PIGK: variants seen among roughly 807,000 people sequenced by gnomAD.
The protein encoded by PIGK is phosphatidylinositol glycan anchor biosynthesis class K, also known as GPI-anchor transamidase.
In PIGK, 42 loss-of-function variants were observed where a neutral mutation model predicts 50.6. That is an observed-to-expected ratio of 0.83 (90% CI 0.65 to 1.07). The LOEUF is 1.07. PIGK is among the 50% of genes least tolerant of loss of function. The pLI is 0.00. For missense variants in PIGK, 448 were observed against 488.7 expected (o/e 0.92, Z 0.78); for synonymous variants, 151 against 156.0 (o/e 0.97, Z 0.24).
intron 9 of PIGK, chr1:77,129,364 C>G (rs1654309913): frequency 6.4e-7 from 1 of 1,573,402 alleles, no homozygotes. Flanking sequence ...GGTCGGTGGC[C>G]CAAAAAGAGT....
At chr1:77,116,253 G>A (rs1287726321) in intron 10 of PIGK, among the ~76,000 whole-genome samples, 3 of 151,626 alleles carry the variant, frequency 2.0e-5, no homozygotes, top group African/African-American at 4.8e-5. Flanking sequence ...GCACGATCTC[G>A]GCTCACTGAA....
chr1:77,154,972 C>T (rs537972202), intron 8 of PIGK, among the ~76,000 whole-genome samples: 1 of 152,240 alleles, frequency 6.6e-6, no homozygotes, highest in South Asian at 2.1e-4. Context: ...TGTCTGTATC[C>T]ATCACAGTGC....
At chr1:77,133,227 G>A (rs1356382608) in intron 9 of PIGK, among the ~76,000 whole-genome samples, 1 of 151,720 alleles carries the variant, frequency 6.6e-6, no homozygotes, top group African/African-American at 2.4e-5. Flanking sequence ...ATTTTCTATT[G>A]TACTGTCTTC....
At chr1:77,122,387 G>A (rs1279462833) in intron 9 of PIGK, 28 bp from the exon 10 acceptor site, 2 of 1,235,146 alleles carry the variant, frequency 1.6e-6, no homozygotes, top group Non-Finnish European at 1.2e-6. Flanking sequence ...AAAACACAGA[G>A]CTAAGGCAAA....
At chr1:77,140,331 C>T (rs1050095753) in intron 9 of PIGK, among the ~76,000 whole-genome samples, 2 of 151,950 alleles carry the variant, frequency 1.3e-5, no homozygotes, top group Non-Finnish European at 2.9e-5. Context: ...CTCTTACTCT[C>T]CCCCAACCCC....
At chr1:77,218,723 T>C (rs1411128016) in intron 1 of PIGK, among the ~76,000 whole-genome samples, 2 of 152,066 alleles carry the variant, frequency 1.3e-5, no homozygotes, top group African/African-American at 4.8e-5. Flanking sequence ...TGGTGAATAG[T>C]AAAAGCATTA....
chr1:77,098,713 T>C (rs983650059), intron 10 of PIGK, among the ~76,000 whole-genome samples: 5 of 152,026 alleles, frequency 3.3e-5, no homozygotes, highest in African/African-American at 7.2e-5. Context: ...AAAAGGCACA[T>C]AAATGGAATT....
intron 10 of PIGK, among the ~76,000 whole-genome samples, chr1:77,115,372 T>C (rs1005099757): frequency 8.5e-5 from 13 of 152,116 alleles, no homozygotes; most frequent in African/African-American, 2.9e-4. Flanking sequence ...AAATTACCTG[T>C]ATTGGTCCTC....
At chr1:77,204,135 G>T (rs1017462175) in intron 3 of PIGK, among the ~76,000 whole-genome samples, 1 of 152,162 alleles carries the variant, frequency 6.6e-6, no homozygotes, top group Admixed American at 6.5e-5. Context: ...GTGAATAGGA[G>T]AAATATTGCT....
At chr1:77,153,356 T>C (rs1451593858) in intron 9 of PIGK, among the ~76,000 whole-genome samples, 1 of 151,868 alleles carries the variant, frequency 6.6e-6, no homozygotes, top group Non-Finnish European at 1.5e-5. Flanking sequence ...AGGGAAAGTG[T>C]TTGGGAGGAG....
chr1:77,097,713 A>G (rs1318005193), intron 10 of PIGK, among the ~76,000 whole-genome samples: 1 of 152,200 alleles, frequency 6.6e-6, no homozygotes, highest in Non-Finnish European at 1.5e-5. Context: ...TTCATTACTC[A>G]TAGATATGAT....
At chr1:77,098,146 A>C (rs532527646) in intron 10 of PIGK, among the ~76,000 whole-genome samples, 27 of 152,258 alleles carry the variant, frequency 1.8e-4, no homozygotes, top group Non-Finnish European at 3.8e-4. Flanking sequence ...TAAACAATGG[A>C]TTAGCATTTG....
intron 2 of PIGK, among the ~76,000 whole-genome samples, chr1:77,209,389 G>GA (rs1302270710): frequency 4.7e-5 from 7 of 147,844 alleles, no homozygotes; most frequent in Non-Finnish European, 1.1e-4. Flanking sequence ...AAAGGCAGAA[G>GA]AAAAAAAAAG....
At chr1:77,108,412 T>C (rs1653747671) in intron 10 of PIGK, among the ~76,000 whole-genome samples, 2 of 152,192 alleles carry the variant, frequency 1.3e-5, no homozygotes, top group Admixed American at 1.3e-4. Flanking sequence ...ATGTTGAATA[T>C]TGGCCCCCAC....
intron 3 of PIGK, among the ~76,000 whole-genome samples, chr1:77,170,838 C>T (rs570673551): frequency 6.6e-6 from 1 of 152,230 alleles, no homozygotes; most frequent in South Asian, 2.1e-4. Context: ...TGGCAGGAGA[C>T]AGCAAGAAGA....
intron 3 of PIGK, among the ~76,000 whole-genome samples, chr1:77,191,805 C>T (rs956072230): frequency 1.3e-5 from 2 of 152,126 alleles, no homozygotes; most frequent in African/African-American, 4.8e-5. Context: ...GTGGGCGGAT[C>T]GCTTGAGCCC....
At chr1:77,187,176 T>C (rs559628002) in intron 3 of PIGK, among the ~76,000 whole-genome samples, 6 of 152,308 alleles carry the variant, frequency 3.9e-5, no homozygotes, top group South Asian at 2.1e-4. Flanking sequence ...GGTGGATTGA[T>C]AGAACAGTGG....
At chr1:77,207,805 C>A (rs1279293155) in intron 2 of PIGK, among the ~76,000 whole-genome samples, 1 of 151,938 alleles carries the variant, frequency 6.6e-6, no homozygotes, top group African/African-American at 2.4e-5. Flanking sequence ...GTGTTCTTGC[C>A]CCTGACAAAC....
intron 3 of PIGK, among the ~76,000 whole-genome samples, chr1:77,192,162 C>T (rs911429035): frequency 4.6e-5 from 7 of 151,842 alleles, no homozygotes; most frequent in African/African-American, 1.7e-4. Context: ...TTGGCAAGGA[C>T]TAAATATAGG....
Sources: gnomAD v4.1 joint callset for allele counts (sites outside exome capture counted in the v4.1 genomes callset) on GRCh38, gnomAD v4.1.1 for gene constraint, MANE v1.5 for transcripts, NCBI Gene and HGNC (gene_info 2026-07-23, HGNC 2026-07-21) for gene names.